The following CLYBL variants were observed in gnomAD, a reference collection of about 807,000 sequenced individuals.
The protein encoded by CLYBL is citramalyl-CoA lyase, mitochondrial.
A neutral mutation model predicts 38.9 loss-of-function variants in CLYBL; 31 were observed. That is an observed-to-expected ratio of 0.80 (90% confidence interval 0.60 to 1.08). CLYBL has a LOEUF of 1.08. Among genes scored for constraint, CLYBL ranks in the 50% least tolerant of loss-of-function variants. The pLI is 0.00. For missense variants in CLYBL, 434 were observed against 411.6 expected, an observed-to-expected ratio of 1.05 and a Z score of -0.47; for synonymous variants, 171 against 158.6, an observed-to-expected ratio of 1.08 and a Z score of -0.59.
At chr13:99,771,204 T>G (rs1464608839) in intron 1 of CLYBL, among the ~76,000 whole-genome samples, 1 of 151,928 alleles carries the variant, frequency 6.6e-6, no homozygotes, top group Non-Finnish European at 1.5e-5. Context: ...CCTGGCTAAT[T>G]TTTGCTTTTT....
intron 1 of CLYBL, among the ~76,000 whole-genome samples, chr13:99,758,991 G>C (rs543931053): frequency 2.0e-5 from 3 of 152,312 alleles, no homozygotes; most frequent in Admixed American, 2.0e-4. Flanking sequence ...CACCTGGTGA[G>C]GGGCACAAGA....
intron 2 of CLYBL, among the ~76,000 whole-genome samples, chr13:99,850,505 A>G (rs552526324): frequency 7.2e-5 from 11 of 152,366 alleles, no homozygotes; most frequent in African/African-American, 2.4e-4. Context: ...CAAACCCTGT[A>G]TCAATAAAAT....
chr13:99,859,022 G>A lies in CLYBL; in HGVS notation c.411G>A (p.Lys137=), dbSNP rs748622001. Residue 137 remains lysine, a synonymous_variant, in exon 3 of 9, where the codon AAG becomes AAA. Coordinates refer to ENST00000339105, the MANE Select transcript of CLYBL (RefSeq NM_206808.5). ...RVLPSSLMLP[K]VESPEEIQWF... Reference sequence around the variant, plus strand: ...TTCCTTCCAGCCTGATGCTACCAAAGGTGGAAAGTCCTGAAGAAATCCAGT... The same window carrying A: ...TTCCTTCCAGCCTGATGCTACCAAAAGTGGAAAGTCCTGAAGAAATCCAGT... 2 of 1,613,704 alleles carry A rather than the reference G, an allele frequency of 1.2e-6. No homozygotes were observed. The highest frequency in any genetic ancestry group is 1.1e-5 in the South Asian group (1 of 90,942).
intron 2 of CLYBL, among the ~76,000 whole-genome samples, chr13:99,816,678 G>A (rs1251051384): frequency 6.6e-6 from 1 of 152,224 alleles, no homozygotes; most frequent in East Asian, 1.9e-4. Flanking sequence ...GGTGGACACA[G>A]TGAGAAAGTT....
chr13:99,730,046 G>T (rs558425730), intron 1 of CLYBL, among the ~76,000 whole-genome samples: 1 of 138,678 alleles, frequency 7.2e-6, no homozygotes, highest in African/African-American at 2.5e-5. Flanking sequence ...CGTGGCCGGT[G>T]CCTCCACCAC....
intron 1 of CLYBL, among the ~76,000 whole-genome samples, chr13:99,639,179 AT>A (rs1424200956): frequency 6.6e-6 from 1 of 152,156 alleles, no homozygotes; most frequent in African/African-American, 2.4e-5. Context: ...TATCATCCTA[AT>A]CTGGATATTT....
intron 1 of CLYBL, among the ~76,000 whole-genome samples, chr13:99,752,967 A>G (rs934633350): frequency 2.0e-5 from 3 of 152,116 alleles, no homozygotes; most frequent in African/African-American, 7.2e-5. Context: ...AAGGCCTGTG[A>G]AGGGAAGGGC....
intron 1 of CLYBL, among the ~76,000 whole-genome samples, chr13:99,682,537 G>T (rs2047751683): frequency 6.6e-6 from 1 of 152,208 alleles, no homozygotes; most frequent in Non-Finnish European, 1.5e-5. Context: ...CTCACAGAAG[G>T]CTCTTACCAT....
rs374174615 is a variant in CLYBL at position 99,805,069 on chromosome 13, T to A, written c.249+32059T>A. 1.1e-4 allele frequency among the ~76,000 whole-genome samples: 16 copies of A among 152,346 alleles called. No individual in the cohort carries two copies. The South Asian group carries it at 3.1e-3, about 30-fold the overall frequency. On this transcript the variant is annotated intron_variant, in intron 2 of 8. Coordinates refer to ENST00000339105, the MANE Select transcript of CLYBL (RefSeq NM_206808.5). Reference sequence around the variant, plus strand: ...TCCGCCTATTGTCTTCAAGATTCATTTGTGTTATAGTGTGTATCAAAATGT... The same window carrying A: ...TCCGCCTATTGTCTTCAAGATTCATATGTGTTATAGTGTGTATCAAAATGT...
intron 7 of CLYBL, among the ~76,000 whole-genome samples, chr13:99,888,347 T>C (rs1281360485): frequency 1.3e-5 from 2 of 152,380 alleles, no homozygotes; most frequent in South Asian, 2.1e-4. Context: ...AGTGTTGTTA[T>C]GAGCATTACA....
chr13:99,848,785 G>C (rs1438641071), intron 2 of CLYBL, among the ~76,000 whole-genome samples: 3 of 152,314 alleles, frequency 2.0e-5, no homozygotes, highest in African/African-American at 7.2e-5. Context: ...AGTGGGAAGA[G>C]CCATGAGCTA....
At chr13:99,793,797 A>G (rs2049966935) in intron 2 of CLYBL, among the ~76,000 whole-genome samples, 1 of 151,960 alleles carries the variant, frequency 6.6e-6, no homozygotes, top group African/African-American at 2.4e-5. Context: ...AGTAAGACTG[A>G]GTATGATCTA....
intron 2 of CLYBL, among the ~76,000 whole-genome samples, chr13:99,846,300 T>TG (rs1308639371): frequency 6.7e-6 from 1 of 149,906 alleles, no homozygotes; most frequent in African/African-American, 2.4e-5. Flanking sequence ...TTTTTTTTTT[T>TG]TTTTTTTTTG....
At chr13:99,836,149 G>T (rs2050929168) in intron 2 of CLYBL, among the ~76,000 whole-genome samples, 1 of 152,164 alleles carries the variant, frequency 6.6e-6, no homozygotes, top group African/African-American at 2.4e-5. Context: ...GCTTGGAGAA[G>T]CTTCCAGCCG....
intron 1 of CLYBL, among the ~76,000 whole-genome samples, chr13:99,676,972 TAA>T (rs35020187): frequency 2.1e-4 from 30 of 145,876 alleles, no homozygotes; most frequent in Admixed American, 2.7e-4. Context: ...GACTAGAGGT[TAA>T]AAAAAAAAAA....
At chr13:99,866,151 T>C in intron 5 of CLYBL, 89 bp from the exon 6 acceptor site, 2 of 1,278,434 alleles carry the variant, frequency 1.6e-6, no homozygotes, top group South Asian at 1.3e-5. Flanking sequence ...GAGGTTTAGA[T>C]ATCTGTACAA....
intron 1 of CLYBL, among the ~76,000 whole-genome samples, chr13:99,633,210 CAAAAAA>C (rs59801603): frequency 0.18 from 11,164 of 62,400 alleles, 463 homozygotes; most frequent in African/African-American, 0.24. Flanking sequence ...GATCCTGTCT[CAAAAAA>C]AAAAAAAAAA....
At chr13:99,761,067 T>C (rs1158327591) in intron 1 of CLYBL, among the ~76,000 whole-genome samples, 1 of 152,180 alleles carries the variant, frequency 6.6e-6, no homozygotes, top group Non-Finnish European at 1.5e-5. Context: ...TTTTCTGTCT[T>C]TGGGGGCTGG....
At chr13:99,761,839 C>A (rs975256435) in intron 1 of CLYBL, among the ~76,000 whole-genome samples, 1 of 152,170 alleles carries the variant, frequency 6.6e-6, no homozygotes, top group African/African-American at 2.4e-5. Context: ...TCGTTACTGA[C>A]CATCTTTTGG....
Sources: allele counts gnomAD v4.1 joint callset (sites outside exome capture counted in the v4.1 genomes callset), GRCh38; gene constraint gnomAD v4.1.1; transcripts MANE v1.5; gene names NCBI Gene and HGNC (gene_info 2026-07-23, HGNC 2026-07-21).